Variants in CMYA5 observed in about 807,000 individuals in gnomAD.
The protein encoded by CMYA5 is cardiomyopathy associated 5, also known as cardiomyopathy-associated protein 5.
Under a neutral mutation model 318.9 loss-of-function variants are expected in CMYA5, and 246 were observed. That is an observed-to-expected ratio of 0.77 (90% CI 0.70 to 0.86). The LOEUF is 0.86. Ranked by LOEUF, CMYA5 falls within the 40% of genes least tolerant of loss-of-function variation. The pLI is 0.00. For missense variants in CMYA5, 4,589 were observed against 4,678.2 expected (o/e 0.98, Z 0.56); for synonymous variants, 1,641 against 1,729.5 (o/e 0.95, Z 1.27).
chr5:79,724,449 T>C (rs1030977799), intron 1 of CMYA5, among the ~76,000 whole-genome samples: 16 of 152,218 alleles, frequency 1.1e-4, no homozygotes, highest in African/African-American at 3.9e-4. Context: ...GGGGAGCCTT[T>C]GACATCTCTG....
rs1189998328 is a variant in CMYA5 at position 79,733,422 on chromosome 5, G to A, written c.4657G>A (p.Ala1553Thr). 2 of 1,613,624 alleles carry A rather than the reference G, an allele frequency of 1.2e-6. No individual in the cohort carries two copies. Among genetic ancestry groups the A allele is most frequent in the Non-Finnish European group, 1.7e-6 (2 of 1,179,836 alleles). ...TCCTTCATCACAAAATGTGTCACCT[G>A]CATCCAAACATATAATCCCAAAAGG... The part of the protein sequence containing the change: ...ELPSSQNVSP[A>T]SKHIIPKGKD... The change falls in exon 2 of 13, where the codon GCA (alanine) becomes ACA (threonine). Residue 1553 changes from alanine (A) to threonine (T), a missense_variant. Ala to Thr is a moderately conservative substitution (Grantham distance 58, BLOSUM62 0). This residue lies in a region of CMYA5 where 2,132 missense variants were observed against 2,131.3 expected (regional missense o/e 1.00). Transcript: ENST00000446378.
chr5:79,758,759 A>G lies in CMYA5; in HGVS notation c.11117A>G (p.Gln3706Arg), dbSNP rs1828583979. 1.3e-6 allele frequency: 2 copies of G among 1,595,408 alleles called. No individual in the cohort carries two copies. The highest frequency in any genetic ancestry group is 1.7e-6 in the Non-Finnish European group (2 of 1,172,222). Residue 3706 changes from glutamine (Q) to arginine (R), a missense_variant, in exon 7 of 13, where the codon CAG (glutamine) becomes CGG (arginine). Gln to Arg is a conservative substitution (Grantham distance 43). Coordinates refer to ENST00000446378, the MANE Select transcript of CMYA5 (RefSeq NM_153610.5). Reference sequence around the variant, plus strand: ...AAACTTGTTTATATTCCAGTTCCACAGCCTCCTAGATTAGAACCTCAGGAA... The same window carrying G: ...AAACTTGTTTATATTCCAGTTCCACGGCCTCCTAGATTAGAACCTCAGGAA... Reference protein sequence around the residue: ...DQMLKQVAVPQPPRLEPQEPN... With the variant: ...DQMLKQVAVPRPPRLEPQEPN...
intron 10 of CMYA5, 139 bp downstream of exon 10, chr5:79,789,243 G>A (rs910917111): frequency 6.5e-6 from 6 of 926,734 alleles, no homozygotes; most frequent in Non-Finnish European, 9.5e-6. Context: ...AGGACCCAAG[G>A]TTGGTCAAAG....
In CMYA5 at chr5:79,752,806, A is replaced by T; in HGVS notation, c.11110+12A>T. On this transcript the variant is annotated intron_variant, in intron 6 of 12. Transcript: ENST00000446378. ...AAAACAAGTGGCTGGTAAGCATTTT[A>T]ATATATTAATTACCTAGATGAAATA... 1 of 1,567,344 alleles carries T rather than the reference A, an allele frequency of 6.4e-7. No homozygotes were observed. The highest frequency in any genetic ancestry group is 8.8e-7 in the Non-Finnish European group (1 of 1,138,324).
intron 1 of CMYA5, among the ~76,000 whole-genome samples, chr5:79,701,986 G>T (rs191381815): frequency 6.6e-6 from 1 of 152,082 alleles, no homozygotes; most frequent in Non-Finnish European, 1.5e-5. Context: ...AATTAGCGGG[G>T]CGTGGTGGCG....
rs1827981364 is a variant in CMYA5 at position 79,733,828 on chromosome 5, T to C, written c.5063T>C (p.Leu1688Pro). The C allele has an allele frequency of 6.2e-7, 1 of 1,613,672 alleles. No individual in the cohort carries two copies. Among genetic ancestry groups the C allele is most frequent in the Admixed American group, 1.7e-5 (1 of 59,962 alleles). Residue 1688 changes from leucine (L) to proline (P), a missense_variant, in exon 2 of 13, where the codon CTT becomes CCT. Coordinates refer to ENST00000446378, the MANE Select transcript of CMYA5 (RefSeq NM_153610.5). ...GAAGGAAAAGAAGAAAATAGAGAGC[T>C]TTGTGCATCTTCTACGATGCCTGCA... ...SREGKEENRELCASSTMPAIS... is the reference protein window; with the variant it reads ...SREGKEENREPCASSTMPAIS...
At chr5:79,716,872 T>C (rs2151080172) in intron 1 of CMYA5, among the ~76,000 whole-genome samples, 1 of 152,362 alleles carries the variant, frequency 6.6e-6, no homozygotes, top group South Asian at 2.1e-4. Context: ...TTTATATTTA[T>C]ATCACAAATC....
In CMYA5 at chr5:79,701,090, C is replaced by CCAAAAAAAAA. The variant is rs55791310; in HGVS notation, c.149+11034_149+11035insCAAAAAAAAA. Among the ~76,000 whole-genome samples the CCAAAAAAAAA allele has an allele frequency of 5.2e-3, 597 of 114,700 alleles. 8 individuals carry two copies. The highest frequency in any genetic ancestry group is 0.026 in the East Asian group (102 of 3,974). 75.2% of individuals were successfully genotyped at this position (114,700 alleles called of 152,430 possible). A position where few individuals can be genotyped will look rare whatever the true frequency, so the allele number is the denominator to read the frequency against. On this transcript the variant is annotated intron_variant, in intron 1 of 12. Coordinates refer to ENST00000446378, the MANE Select transcript of CMYA5 (RefSeq NM_153610.5). ...TGAAACCCCATCTCTACTAAAAATA[C>CCAAAAAAAAA]AAAAAAAAAAAAAAAAAATTAGCCG...
chr5:79,796,540 A>C (rs1406157255), intron 12 of CMYA5, among the ~76,000 whole-genome samples: 1 of 152,126 alleles, frequency 6.6e-6, no homozygotes, highest in African/African-American at 2.4e-5. Context: ...AGCTAAGGCT[A>C]TAGGCACGTG....
At chr5:79,799,346 G>A in intron 12 of CMYA5, 24 bp from the exon 13 acceptor site, 1 of 1,580,078 alleles carries the variant, frequency 6.3e-7, no homozygotes, top group Non-Finnish European at 8.6e-7. Context: ...AGAGTTTTAT[G>A]TTTCCCATTC....
chr5:79,777,793 T>TA lies in CMYA5; in HGVS notation c.11556-11175dup, dbSNP rs201669796. ...TGCATCTTAAAAAAAATAATAAAAA[T>TA]AAATTTTTTTTTAAGTTTTATTTTA... is the stretch of plus-strand genomic sequence containing the variant. On this transcript the variant is annotated intron_variant, in intron 9 of 12. Coordinates refer to ENST00000446378, the MANE Select transcript of CMYA5 (RefSeq NM_153610.5). Among the ~76,000 whole-genome samples the TA allele has an allele frequency of 4.3e-3, 569 of 131,182 alleles. 2 individuals carry two copies. The highest frequency in any genetic ancestry group is 0.017 in the African/African-American group (540 of 32,190). 86.1% of individuals were successfully genotyped at this position (131,182 alleles called of 152,430 possible).
rs1466834862 is a variant in CMYA5, at chr5:79,763,229, GGA to G, written c.11555+25_11555+26del. 3.2e-6 allele frequency: 5 copies of G among 1,574,676 alleles called. No homozygotes were observed. Among genetic ancestry groups the G allele is most frequent in the African/African-American group, 2.7e-5 (2 of 74,064 alleles). On this transcript the variant is annotated intron_variant, in intron 9 of 12. Coordinates refer to ENST00000446378, the MANE Select transcript of CMYA5 (RefSeq NM_153610.5). ...CCTCAGGTGAGGGGCCCTCTCCATG[GGA>G]GAGACTGCCCAGAGCCCAGTAACCA...
chr5:79,741,746 G>A (rs539707071), intron 2 of CMYA5, among the ~76,000 whole-genome samples: 68 of 151,008 alleles, frequency 4.5e-4, no homozygotes, highest in African/African-American at 1.5e-3. Context: ...AATATGTTTT[G>A]TTTATCTCTA....
intron 1 of CMYA5, among the ~76,000 whole-genome samples, chr5:79,712,472 C>T (rs192204491): frequency 5.0e-4 from 76 of 151,976 alleles, no homozygotes; most frequent in East Asian, 1.9e-3. Context: ...CTCAGCCTCC[C>T]GAAGTTCTAG....
At chr5:79,771,602 A>G (rs1431892306) in intron 9 of CMYA5, among the ~76,000 whole-genome samples, 2 of 152,180 alleles carry the variant, frequency 1.3e-5, no homozygotes, top group African/African-American at 2.4e-5. Context: ...CATCTCATAA[A>G]TATGGCTACA....
chr5:79,775,738 G>A (rs1680664173), intron 9 of CMYA5, among the ~76,000 whole-genome samples: 1 of 152,106 alleles, frequency 6.6e-6, no homozygotes, highest in Admixed American at 6.5e-5. Flanking sequence ...CTGCAAAAAC[G>A]TTCTCTGTAT....
intron 1 of CMYA5, among the ~76,000 whole-genome samples, chr5:79,704,863 G>C (rs1279654910): frequency 1.3e-5 from 2 of 152,186 alleles, no homozygotes; most frequent in Non-Finnish European, 2.9e-5. Context: ...TGGAACCTAT[G>C]AGAAGTCTCT....
Position 79,761,823 on chromosome 5 carries a change from A to C in CMYA5, c.11273A>C (p.Glu3758Ala), listed in dbSNP as rs763395258. Residue 3758 changes from glutamate (E) to alanine (A), a missense_variant, in exon 8 of 13, where the codon GAA becomes GCA. Physicochemically the swap from Glu to Ala is moderately radical, Grantham distance 107. Around this residue, in one of 3 missense-constraint regions of CMYA5, gnomAD observed 2,431 missense variants for 2,495.1 expected, o/e 0.97. Coordinates refer to ENST00000446378, the MANE Select transcript of CMYA5 (RefSeq NM_153610.5). ...TGTCTTATGCTAGAGTTGGTAGAAGAATACAGACTGACAGTGAAAGAAAGC... is the reference window on the plus strand; with the variant it reads ...TGTCTTATGCTAGAGTTGGTAGAAGCATACAGACTGACAGTGAAAGAAAGC... ...DDQEVNELVE[E>A]YRLTVKESYC... The C allele has an allele frequency of 5.0e-6, 8 of 1,613,346 alleles. No individual in the cohort carries two copies. The East Asian group carries it at 1.8e-4, about 36-fold the overall frequency.
chr5:79,793,926 CAG>C (rs1002161923), intron 12 of CMYA5, among the ~76,000 whole-genome samples: 3 of 152,270 alleles, frequency 2.0e-5, no homozygotes, highest in African/African-American at 7.2e-5. Context: ...CCTGGAGAAG[CAG>C]AGAAGGATGT....
Sources: allele counts gnomAD v4.1 joint callset (sites outside exome capture counted in the v4.1 genomes callset), GRCh38; gene constraint gnomAD v4.1.1; regional missense constraint gnomAD v4.1.1; transcripts MANE v1.5; gene names NCBI Gene and HGNC (gene_info 2026-07-23, HGNC 2026-07-21).